The following TAF1A variants were observed in gnomAD, a reference collection of about 807,000 sequenced individuals.
TAF1A encodes TATA-box binding protein associated factor, RNA polymerase I subunit A, also known as TATA box-binding protein-associated factor RNA polymerase I subunit A.
A neutral mutation model predicts 61.6 loss-of-function variants in TAF1A; 42 were observed. The ratio of observed to expected loss-of-function variants is 0.68; its 90% CI spans 0.53 to 0.88. TAF1A has a LOEUF of 0.88. Among genes scored for constraint, TAF1A ranks in the 40% least tolerant of loss-of-function variants. TAF1A has a pLI of 0.00. For missense variants in TAF1A, 424 were observed against 518.7 expected, an observed-to-expected ratio of 0.82 and a Z score of 1.77; for synonymous variants, 179 against 177.7, an observed-to-expected ratio of 1.01 and a Z score of -0.06.
intron 2 of TAF1A, among the ~76,000 whole-genome samples, chr1:222,587,253 T>G (rs1661052446): frequency 6.6e-6 from 1 of 152,218 alleles, no homozygotes; most frequent in African/African-American, 2.4e-5. Flanking sequence ...TTACATATAT[T>G]GTCTCATTTT....
At chr1:222,554,996 A>G (rs1659710269), downstream of TAF1A, among the ~76,000 whole-genome samples, 1 of 152,258 alleles carries the variant, frequency 6.6e-6, no homozygotes, top group African/African-American at 2.4e-5. Context: ...AAGGACCTAC[A>G]TAGACACTTC....
At position 222,558,488 on chromosome 1, in the gene TAF1A, A is replaced by C. The variant is rs1339635247; in HGVS notation, c.*172T>G. 1 of 290,388 alleles carries C rather than the reference A, an allele frequency of 3.4e-6. No homozygotes were observed. Among genetic ancestry groups the C allele is most frequent in the Non-Finnish European group, 6.3e-6 (1 of 159,794 alleles). 18.0% of individuals were successfully genotyped at this position (290,388 alleles called of 1,614,324 possible). ...AAACAGACATAGTTACAAAGAGCAA[A>C]GGCAGTAATATTGTTTCTCTAGCTA... is the stretch of plus-strand genomic sequence containing the variant. On this transcript the variant is annotated 3_prime_UTR_variant, in exon 11 of 11. Transcript: ENST00000352967.
intron 7 of TAF1A, among the ~76,000 whole-genome samples, chr1:222,567,723 T>C (rs1202851377): frequency 6.6e-6 from 1 of 152,202 alleles, no homozygotes; most frequent in Non-Finnish European, 1.5e-5. Context: ...GTAAGTTGAT[T>C]ATACAATATA....
At chr1:222,566,087 A>G (rs1660106249) in intron 7 of TAF1A, among the ~76,000 whole-genome samples, 1 of 152,208 alleles carries the variant, frequency 6.6e-6, no homozygotes, top group Non-Finnish European at 1.5e-5. Context: ...ATGATTAAAA[A>G]CTGAACACAA....
At chr1:222,556,497 T>C (rs904557195), downstream of TAF1A, among the ~76,000 whole-genome samples, 5 of 152,204 alleles carry the variant, frequency 3.3e-5, no homozygotes, top group Non-Finnish European at 7.3e-5. Flanking sequence ...GGCAAGTTAC[T>C]TCATCTCCAA....
At chr1:222,582,936 A>T (rs1660846814) in intron 3 of TAF1A, among the ~76,000 whole-genome samples, 1 of 152,214 alleles carries the variant, frequency 6.6e-6, no homozygotes, top group South Asian at 2.1e-4. Flanking sequence ...CAATACCAGC[A>T]CTTTGGGGAG....
chr1:222,558,325 C>G lies in TAF1A; in HGVS notation c.*335G>C, dbSNP rs936419705. The G allele has an allele frequency of 6.5e-6, 1 of 154,874 alleles. No individual in the cohort carries two copies. Among genetic ancestry groups the G allele is most frequent in the African/African-American group, 2.4e-5 (1 of 41,566 alleles). 9.6% of individuals were successfully genotyped at this position (154,874 alleles called of 1,614,324 possible). A position where few individuals can be genotyped will look rare whatever the true frequency, so the allele number is the denominator to read the frequency against. ...AATATAAATACATTTCACAGCACTA[C>G]AAGTTACAGTTTATTACACAATAGC... On this transcript the variant is annotated 3_prime_UTR_variant, in exon 11 of 11. Transcript: ENST00000352967.
At chr1:222,582,096 A>G (rs1219753673) in intron 3 of TAF1A, among the ~76,000 whole-genome samples, 1 of 152,202 alleles carries the variant, frequency 6.6e-6, no homozygotes, top group African/African-American at 2.4e-5. Flanking sequence ...ACCATTAGAA[A>G]GCAAAGGTGT....
chr1:222,585,662 T>C (rs1327188154), intron 2 of TAF1A, among the ~76,000 whole-genome samples: 1 of 152,058 alleles, frequency 6.6e-6, no homozygotes, highest in East Asian at 1.9e-4. Context: ...CAACTATTAA[T>C]GATAGCAATG....
rs1002799174 is a variant in TAF1A at position 222,585,917 on chromosome 1, A to G, written c.122-1620T>C. Among the ~76,000 whole-genome samples, 3 of 152,210 alleles carry G rather than the reference A, an allele frequency of 2.0e-5. No homozygotes were observed. In the East Asian group the frequency reaches 5.8e-4, roughly 29 times the overall value. On this transcript the variant is annotated intron_variant, in intron 2 of 10. Transcript: ENST00000352967. ...AATATATAGTCATTTAAAAATACCAACATGCTGGAAATTTTATCTCTTGCA... is the reference window on the plus strand; with the variant it reads ...AATATATAGTCATTTAAAAATACCAGCATGCTGGAAATTTTATCTCTTGCA...
chr1:222,584,568 G>C (rs974951907), intron 2 of TAF1A, among the ~76,000 whole-genome samples: 1 of 152,082 alleles, frequency 6.6e-6, no homozygotes, highest in African/African-American at 2.4e-5. Flanking sequence ...TTTCATCCTT[G>C]TACCAAATAA....
At chr1:222,560,569 T>C (rs1243674011) in intron 10 of TAF1A, among the ~76,000 whole-genome samples, 2 of 152,208 alleles carry the variant, frequency 1.3e-5, no homozygotes, top group Non-Finnish European at 2.9e-5. Context: ...CCAAATCACC[T>C]TTCTGTTCCT....
At chr1:222,576,221 G>C (rs1553275113) in intron 5 of TAF1A, among the ~76,000 whole-genome samples, 3 of 152,142 alleles carry the variant, frequency 2.0e-5, no homozygotes, top group Non-Finnish European at 4.4e-5. Flanking sequence ...TTGAAGAATA[G>C]AGAGCATTCT....
In TAF1A at chr1:222,589,770, C is replaced by G. The variant is rs932113319; in HGVS notation, c.-46G>C. 1 of 315,236 alleles carries G rather than the reference C, an allele frequency of 3.2e-6. No individual in the cohort carries two copies. Among genetic ancestry groups the G allele is most frequent in the Non-Finnish European group, 5.8e-6 (1 of 173,432 alleles). The allele number at this position is 315,236 out of a possible 1,614,324, so 19.5% of individuals were successfully genotyped here. A position where few individuals can be genotyped will look rare whatever the true frequency, so the allele number is the denominator to read the frequency against. ...CCTCAGTAAAGCTAAACTCAGTCTC[C>G]GACTCCGGCCCACGTGAAGAAATTC... is the stretch of plus-strand genomic sequence containing the variant. On this transcript the variant is annotated 5_prime_UTR_variant, in exon 1 of 11. Transcript: ENST00000352967.
intron 10 of TAF1A, 109 bp downstream of exon 10, chr1:222,561,255 C>A: frequency 2.6e-6 from 3 of 1,141,274 alleles, no homozygotes; most frequent in Non-Finnish European, 2.5e-6. Context: ...GTCTTAAGCA[C>A]CTAATATTTT....
chr1:222,580,022 T>C (rs980434142), intron 3 of TAF1A, 150 bp from the exon 4 acceptor site: 1 of 828,100 alleles, frequency 1.2e-6, no homozygotes, highest in Non-Finnish European at 1.8e-6. Context: ...CTTTGCCATG[T>C]AAAATTAATA....
chr1:222,563,859 T>G (rs1340227542), intron 8 of TAF1A, among the ~76,000 whole-genome samples, 200 bp downstream of exon 8: 1 of 152,032 alleles, frequency 6.6e-6, no homozygotes. Flanking sequence ...TTGCAAGGCA[T>G]ACAGTCTCTG....
At position 222,563,222 on chromosome 1, in the gene TAF1A, T is replaced by C; in HGVS notation, c.1036A>G (p.Ile346Val). ...VLDFAGCTKN[I>V]TAWKYLAKYL... ...TTTGCCAAGTATTTCCAAGCAGTTA[T>C]ATTCTTAGTGCATCCGGCAAAATCT... The change falls in exon 9 of 11, where the codon ATA (isoleucine) becomes GTA (valine). Residue 346 changes from isoleucine (I) to valine (V), a missense_variant. Coordinates refer to ENST00000352967, the MANE Select transcript of TAF1A (RefSeq NM_005681.4). 1.2e-6 allele frequency: 2 copies of C among 1,613,070 alleles called. No homozygotes were observed. Among genetic ancestry groups the C allele is most frequent in the Non-Finnish European group, 1.7e-6 (2 of 1,179,322 alleles).
rs1405351435 is a variant in TAF1A at position 222,569,358 on chromosome 1, G to A, written c.894+152C>T. ...GTGTGGATGATACATACATGGAGAT[G>A]GCAGCTGGAGCCAACTTTCTCTGTT... On this transcript the variant is annotated intron_variant, in intron 7 of 10. Transcript: ENST00000352967. 5.8e-6 allele frequency: 9 copies of A among 1,544,164 alleles called. No homozygotes were observed. In the Admixed American group the frequency reaches 1.7e-4, roughly 30 times the overall value.
Sources: allele counts gnomAD v4.1 joint callset (sites outside exome capture counted in the v4.1 genomes callset), GRCh38; gene constraint gnomAD v4.1.1; transcripts MANE v1.5; gene names NCBI Gene and HGNC (gene_info 2026-07-23, HGNC 2026-07-21).